The following CDC14A variants were observed in gnomAD, a reference collection of about 807,000 sequenced individuals.
CDC14A encodes the protein dual specificity protein phosphatase CDC14A.
Under a neutral mutation model 74.4 loss-of-function variants are expected in CDC14A, and 53 were observed. The ratio of observed to expected loss-of-function variants is 0.71; its 90% CI spans 0.57 to 0.89. The LOEUF is 0.89. Ranked by LOEUF, CDC14A falls within the 40% of genes least tolerant of loss-of-function variation. The pLI, the probability that CDC14A is intolerant of heterozygous loss-of-function variation, is 0.00. For missense variants in CDC14A, 646 were observed against 713.7 expected, an observed-to-expected ratio of 0.91 and a Z score of 1.08; for synonymous variants, 247 against 258.4, an observed-to-expected ratio of 0.96 and a Z score of 0.43.
chr1:100,459,978 T>A (rs1667158614), intron 8 of CDC14A, among the ~76,000 whole-genome samples: 1 of 152,206 alleles, frequency 6.6e-6, no homozygotes, highest in South Asian at 2.1e-4. Flanking sequence ...ACAGATAGAA[T>A]CAAGTTGAAT....
Position 100,445,115 on chromosome 1 carries a change from A to T in CDC14A, c.519+2119A>T, listed in dbSNP as rs868675108. Reference sequence around the variant, plus strand: ...CATTTTAAAAAATGAATTGAGCTATACCACTTATCTTGGAATGATTTCTAT... The same window carrying T: ...CATTTTAAAAAATGAATTGAGCTATTCCACTTATCTTGGAATGATTTCTAT... On this transcript the variant is annotated intron_variant, in intron 7 of 15. Transcript: ENST00000336454. Among the ~76,000 whole-genome samples the T allele has an allele frequency of 2.0e-5, 3 of 152,326 alleles. No homozygotes were observed. The South Asian group carries it at 6.2e-4, about 32-fold the overall frequency.
intron 5 of CDC14A, among the ~76,000 whole-genome samples, chr1:100,425,003 A>G (rs368857435): frequency 1.3e-5 from 2 of 152,218 alleles, no homozygotes; most frequent in East Asian, 1.9e-4. Flanking sequence ...CCCCGTCTCT[A>G]CTAAAAATAC....
At chr1:100,371,597 C>T (rs550780561) in intron 2 of CDC14A, among the ~76,000 whole-genome samples, 4 of 152,226 alleles carry the variant, frequency 2.6e-5, no homozygotes, top group African/African-American at 9.6e-5. Context: ...TGGTGTGTCA[C>T]ATTTATTGGT....
chr1:100,479,554 A>C (rs981517725), intron 10 of CDC14A, among the ~76,000 whole-genome samples: 13 of 152,210 alleles, frequency 8.5e-5, no homozygotes, highest in Non-Finnish European at 1.6e-4. Flanking sequence ...TAGGCTAAAA[A>C]ATTTTAATTA....
chr1:100,467,497 T>A (rs1667959402), intron 9 of CDC14A, among the ~76,000 whole-genome samples: 2 of 152,216 alleles, frequency 1.3e-5, no homozygotes, highest in South Asian at 4.1e-4. Context: ...TGTACCAGTT[T>A]TCTAGGTCAG....
At chr1:100,476,414 C>T (rs1469659924) in intron 10 of CDC14A, among the ~76,000 whole-genome samples, 1 of 152,170 alleles carries the variant, frequency 6.6e-6, no homozygotes, top group Non-Finnish European at 1.5e-5. Context: ...TGCCATTGCA[C>T]TCCAGCCTGG....
intron 10 of CDC14A, among the ~76,000 whole-genome samples, chr1:100,470,018 C>A (rs59219407): frequency 0.057 from 8,655 of 152,150 alleles, 832 homozygotes; most frequent in African/African-American, 0.2. Context: ...ATGATTTGAA[C>A]AGAAAGTCCT....
intron 15 of CDC14A, among the ~76,000 whole-genome samples, chr1:100,505,966 C>T (rs1039464319): frequency 2.6e-5 from 4 of 151,880 alleles, no homozygotes; most frequent in Non-Finnish European, 1.5e-5. Flanking sequence ...GGAGGATGTG[C>T]GAGGCTCTTT....
intron 2 of CDC14A, among the ~76,000 whole-genome samples, chr1:100,374,940 T>A (rs1027853599): frequency 1.2e-4 from 19 of 152,262 alleles, no homozygotes; most frequent in Admixed American, 1.0e-3. Flanking sequence ...ATCATAAGTA[T>A]ATGATACAGT....
At chr1:100,392,404 T>A (rs1657842151) in intron 4 of CDC14A, among the ~76,000 whole-genome samples, 1 of 152,156 alleles carries the variant, frequency 6.6e-6, no homozygotes. Context: ...GGATCCTTTC[T>A]CATAAAGGAT....
chr1:100,346,151 G>T (rs1313106880), intron 1 of CDC14A, among the ~76,000 whole-genome samples: 1 of 152,020 alleles, frequency 6.6e-6, no homozygotes, highest in Non-Finnish European at 1.5e-5. Context: ...CAGCCTGGGT[G>T]ACAGAGCAAG....
intron 9 of CDC14A, 58 bp downstream of exon 9, chr1:100,462,939 G>T: frequency 7.6e-7 from 1 of 1,314,756 alleles, no homozygotes; most frequent in East Asian, 2.3e-5. Flanking sequence ...GGCCAAGGAA[G>T]AGCAAATAAC....
chr1:100,346,674 T>C (rs1219701656), intron 1 of CDC14A, among the ~76,000 whole-genome samples: 3 of 150,136 alleles, frequency 2.0e-5, no homozygotes, highest in Non-Finnish European at 4.5e-5. Context: ...TAAATATAGA[T>C]GGATAAATTC....
intron 4 of CDC14A, chr1:100,423,922 A>G (rs1047008721): frequency 4.5e-5 from 13 of 289,178 alleles, no homozygotes; most frequent in South Asian, 1.8e-4. Flanking sequence ...AGCACACGGT[A>G]TATTATGAGG....
intron 2 of CDC14A, among the ~76,000 whole-genome samples, chr1:100,369,533 T>G (rs1570974855): frequency 1.3e-5 from 2 of 152,254 alleles, no homozygotes; most frequent in African/African-American, 2.4e-5. Flanking sequence ...TTTCTTCTTT[T>G]GAGAAGTGTC....
chr1:100,463,967 G>T (rs749915051), intron 9 of CDC14A, among the ~76,000 whole-genome samples: 60 of 152,164 alleles, frequency 3.9e-4, no homozygotes, highest in Non-Finnish European at 1.0e-4. Context: ...TAATCATCTA[G>T]TAGGTGTTGG....
chr1:100,398,347 TTCTG>T (rs1477330646), intron 4 of CDC14A, among the ~76,000 whole-genome samples: 1 of 152,186 alleles, frequency 6.6e-6, no homozygotes, highest in East Asian at 1.9e-4. Flanking sequence ...CTTCCCCTCT[TTCTG>T]TCTGCCCATC....
Position 100,420,055 on chromosome 1 carries a change from C to CACAT in CDC14A, c.310-4164_310-4163insTACA, listed in dbSNP as rs1553180488. Among the ~76,000 whole-genome samples, 16 of 21,022 alleles carry CACAT rather than the reference C, an allele frequency of 7.6e-4. 1 individual carries two copies. The highest frequency in any genetic ancestry group is 1.9e-3 in the South Asian group (1 of 532). The allele number at this position is 21,022 out of a possible 152,430, so 13.8% of individuals were successfully genotyped here. ...ATACACACACACACACACACACACA[C>CACAT]ACACACACATATATATATATATATA... On this transcript the variant is annotated intron_variant, in intron 4 of 15. Coordinates refer to ENST00000336454, the MANE Select transcript of CDC14A (RefSeq NM_003672.4).
At chr1:100,432,297 A>G (rs1663785744) in intron 5 of CDC14A, among the ~76,000 whole-genome samples, 1 of 152,220 alleles carries the variant, frequency 6.6e-6, no homozygotes, top group Non-Finnish European at 1.5e-5. Context: ...AGATTTGTTC[A>G]GAGGCTGGAA....
Sources: gnomAD v4.1 joint callset for allele counts (sites outside exome capture counted in the v4.1 genomes callset) on GRCh38, gnomAD v4.1.1 for gene constraint, MANE v1.5 for transcripts, NCBI Gene and HGNC (gene_info 2026-07-23, HGNC 2026-07-21) for gene names.